Variants in SUN2 observed in about 807,000 individuals in gnomAD.
SUN2 encodes the protein SUN domain-containing protein 2.
Under a neutral mutation model 100.0 loss-of-function variants are expected in SUN2, and 60 were observed. The observed-to-expected ratio is 0.60, with a 90% CI of 0.49 to 0.74. The LOEUF (loss-of-function observed/expected upper bound fraction) is 0.74, where lower values mean the gene tolerates loss of function less well. SUN2 is among the 30% of genes least tolerant of loss of function. The pLI is 0.00. For synonymous variants in SUN2, 367 were observed against 403.3 expected, an observed-to-expected ratio of 0.91 and a Z score of 1.08; for missense variants, 834 against 954.6, an observed-to-expected ratio of 0.87 and a Z score of 1.66.
chr22:38,755,377 C>G lies in SUN2; in HGVS notation c.-38+386G>C, dbSNP rs1010531776. The G allele has an allele frequency of 2.0e-4, 207 of 1,015,368 alleles. No individual in the cohort carries two copies. Among genetic ancestry groups the G allele is most frequent in the Non-Finnish European group, 2.3e-4 (195 of 845,542 alleles). 62.9% of individuals were successfully genotyped at this position (1,015,368 alleles called of 1,614,324 possible). ...TTAGAACTGAACAAAACGGGCCTTCCTCTGAGGCCCTGAGTTCTGACAGGC... is the reference window on the plus strand; with the variant it reads ...TTAGAACTGAACAAAACGGGCCTTCGTCTGAGGCCCTGAGTTCTGACAGGC... On this transcript the variant is annotated intron_variant, in intron 1 of 17. Transcript: ENST00000689035. The surrounding 1 kb of genome is among the most constrained non-coding windows in gnomAD (Gnocchi z 5.7).
At chr22:38,754,551 G>T in intron 1 of SUN2, 1 of 1,049,188 alleles carries the variant, frequency 9.5e-7, no homozygotes, top group Non-Finnish European at 1.3e-6. Context: ...AGTAGGAAAA[G>T]CAGGAAGTTG....
rs372953657 is a variant in SUN2 at position 38,741,505 on chromosome 22, G to A, written c.1135C>T (p.Arg379Trp). The A allele has an allele frequency of 3.4e-5, 55 of 1,613,876 alleles. No individual in the cohort carries two copies. Among genetic ancestry groups the A allele is most frequent in the Admixed American group, 1.0e-4 (6 of 60,014 alleles). Residue 379 changes from arginine (R) to tryptophan (W), a missense_variant, in exon 10 of 18, where the codon CGG becomes TGG. Physicochemically the swap from Arg to Trp is moderately radical, Grantham distance 101. Coordinates refer to ENST00000689035, the MANE Select transcript of SUN2 (RefSeq NM_015374.3). The stretch of plus-strand genomic sequence containing the variant: ...GCAAGCCCGCTGACCTGGGAGGCCC[G>A]GACGATCTTCTTGAAGAGGTCTTCT... ...DSEDLFKKIV[R>W]ASQESEARIQ...
rs2092837317 is a variant in SUN2, at chr22:38,739,678, G to A, written c.1578+44C>T. On this transcript the variant is annotated intron_variant, in intron 13 of 17. Transcript: ENST00000689035. This position sits in a 1 kb window ranked among gnomAD's most constrained non-coding sequence, Gnocchi z 6.7. ...GGGACTGTCCAGGGCTCCCAGGGAG[G>A]AGAGCTGTGGGTGGGTGTGTGGAGA... The A allele has an allele frequency of 6.3e-7, 1 of 1,595,492 alleles. No individual in the cohort carries two copies. Among genetic ancestry groups the A allele is most frequent in the Non-Finnish European group, 8.6e-7 (1 of 1,167,386 alleles).
chr22:38,755,273 T>C lies in SUN2; in HGVS notation c.-38+490A>G, dbSNP rs998667697. The stretch of plus-strand genomic sequence containing the variant: ...TGCCCTCATTCCCACAGGCCAAACC[T>C]GCAGAAATTGTCACCAAAGGCGCGC... On this transcript the variant is annotated intron_variant, in intron 1 of 17. Transcript: ENST00000689035. This position sits in a 1 kb window ranked among gnomAD's most constrained non-coding sequence, Gnocchi z 5.7. 34 of 1,127,678 alleles carry C rather than the reference T, an allele frequency of 3.0e-5. No homozygotes were observed. In the African/African-American group the frequency reaches 5.4e-4, roughly 18 times the overall value. The allele number at this position is 1,127,678 out of a possible 1,614,324, so 69.9% of individuals were successfully genotyped here. A position where few individuals can be genotyped will look rare whatever the true frequency, so the allele number is the denominator to read the frequency against.
intron 4 of SUN2, 145 bp downstream of exon 4, chr22:38,750,752 TG>T: frequency 7.5e-7 from 1 of 1,328,552 alleles, no homozygotes; most frequent in Non-Finnish European, 1.0e-6. Context: ...CAGGCCAGGC[TG>T]GGGCGCACCC....
chr22:38,753,872 A>G (rs2092966513), intron 1 of SUN2, among the ~76,000 whole-genome samples: 3 of 152,336 alleles, frequency 2.0e-5, no homozygotes, highest in Middle Eastern at 6.8e-3. Flanking sequence ...CTACTCAGGC[A>G]TAAAGTTTTC....
At chr22:38,752,920 C>T (rs548586192) in intron 1 of SUN2, among the ~76,000 whole-genome samples, 3 of 152,364 alleles carry the variant, frequency 2.0e-5, no homozygotes, top group Admixed American at 1.3e-4. Flanking sequence ...TCTTCCAGGG[C>T]GCTTTCCACA....
At position 38,752,563 on chromosome 22, in the gene SUN2, G is replaced by A. The variant is rs138973782; in HGVS notation, c.66C>T (p.Ser22=). 3.0e-5 allele frequency: 48 copies of A among 1,612,328 alleles called. No individual in the cohort carries two copies. The highest frequency in any genetic ancestry group is 1.3e-4 in the East Asian group (6 of 44,688). ...GACTCCCAGCCACCGAGCTCCCTCC[G>A]CTGCTGCTGCTGCCGTCATCGTCAC... ...SQGDDDGSSS[S]GGSSVAGSQS... Residue 22 remains serine (S), a synonymous_variant, in exon 2 of 18, where the codon AGC becomes AGT. Coordinates refer to ENST00000689035, the MANE Select transcript of SUN2 (RefSeq NM_015374.3).
In SUN2 at chr22:38,751,256, G is replaced by T. The variant is rs2092943753; in HGVS notation, c.240C>A (p.Phe80Leu). 1 of 1,613,938 alleles carries T rather than the reference G, an allele frequency of 6.2e-7. No individual in the cohort carries two copies. Among genetic ancestry groups the T allele is most frequent in the Non-Finnish European group, 8.5e-7 (1 of 1,179,928 alleles). Residue 80 changes from phenylalanine to leucine, a missense_variant, in exon 3 of 18, where the codon TTC (phenylalanine) becomes TTA (leucine). Coordinates refer to ENST00000689035, the MANE Select transcript of SUN2 (RefSeq NM_015374.3). Reference protein sequence around the residue: ...YSESLVHESWFPPRSSLEELH... With the variant: ...YSESLVHESWLPPRSSLEELH... ...GTTCCTCCAGGGAGCTCCTGGGTGG[G>T]AACCAGGACTCGTGGACCAGCGACT...
At chr22:38,745,895 C>A in intron 7 of SUN2, 84 bp from the exon 8 acceptor site, 1 of 1,544,546 alleles carries the variant, frequency 6.5e-7, no homozygotes, top group Non-Finnish European at 8.7e-7. Flanking sequence ...TGATCCCTGC[C>A]AGTGCTTGTG....
At chr22:38,754,603 T>TGGGGTGGGGGGGG in intron 1 of SUN2, 2 of 889,150 alleles carry the variant, frequency 2.2e-6, no homozygotes, top group Non-Finnish European at 3.2e-6. Context: ...TAAGGTAATC[T>TGGGGTGGGGGGGG]CCCCTCCCCC....
chr22:38,751,347 A>C lies in SUN2; in HGVS notation c.149T>G (p.Met50Arg). Residue 50 changes from methionine to arginine, a missense_variant, in exon 3 of 18, where the codon ATG (methionine) becomes AGG (arginine). Transcript: ENST00000689035. The stretch of plus-strand genomic sequence containing the variant: ...CTGTGGCGCTGGGGACAGGCGCTTC[A>C]TGTTGCTGGATTTCCTCTTCAAGGT... ...LRTLKRKSSN[M>R]KRLSPAPQLG... 6.2e-7 allele frequency: 1 copy of C among 1,613,844 alleles called. No individual in the cohort carries two copies. The highest frequency in any genetic ancestry group is 8.5e-7 in the Non-Finnish European group (1 of 1,179,986).
intron 17 of SUN2, 38 bp from the exon 18 acceptor site, chr22:38,736,418 C>T: frequency 1.3e-6 from 2 of 1,541,016 alleles, no homozygotes; most frequent in Non-Finnish European, 1.8e-6. Context: ...CATCAGAGAC[C>T]TGTGAGGCCT....
chr22:38,752,908 C>T (rs1259241769), intron 1 of SUN2, among the ~76,000 whole-genome samples: 1 of 152,256 alleles, frequency 6.6e-6, no homozygotes, highest in Non-Finnish European at 1.5e-5. Flanking sequence ...GACTCTGGAG[C>T]CTCTTCCAGG....
rs2092790230 is a variant in SUN2, at chr22:38,735,020, A to G, written c.*1247T>C. ...CCCAGGCCCCTCTCCACGGCCAGGA[A>G]CAAGAAACTGAGTATCACCCAGTGC... On this transcript the variant is annotated 3_prime_UTR_variant, in exon 18 of 18. Coordinates refer to ENST00000689035, the MANE Select transcript of SUN2 (RefSeq NM_015374.3). 1.7e-5 allele frequency: 5 copies of G among 297,696 alleles called. No homozygotes were observed. Among genetic ancestry groups the G allele is most frequent in the South Asian group, 8.0e-5 (3 of 37,326 alleles). 18.4% of individuals were successfully genotyped at this position (297,696 alleles called of 1,614,324 possible).
At chr22:38,749,377 C>T (rs1469058415) in intron 6 of SUN2, among the ~76,000 whole-genome samples, 1 of 152,140 alleles carries the variant, frequency 6.6e-6, no homozygotes, top group Non-Finnish European at 1.5e-5. Flanking sequence ...TTGTCCCAGG[C>T]CCAAGAAGGA....
At chr22:38,749,105 TTAAA>T (rs1356807061) in intron 6 of SUN2, 5 of 306,216 alleles carry the variant, frequency 1.6e-5, no homozygotes, top group Non-Finnish European at 2.5e-5. Flanking sequence ...AAGTAACTCC[TTAAA>T]TAACAACAAG....
chr22:38,745,184 G>T (rs545856094), intron 8 of SUN2: 83 of 471,138 alleles, frequency 1.8e-4, no homozygotes, highest in Middle Eastern at 1.3e-3. Context: ...AGCCTGCCGG[G>T]TGAGCAAAGT....
intron 8 of SUN2, 148 bp from the exon 9 acceptor site, chr22:38,742,703 C>T (rs1034238788): frequency 1.4e-5 from 15 of 1,071,984 alleles, no homozygotes; most frequent in East Asian, 8.2e-5. Context: ...GGCTGGAGCT[C>T]GTGGGCAGGG....
Sources: allele counts gnomAD v4.1 joint callset (sites outside exome capture counted in the v4.1 genomes callset), GRCh38; gene constraint gnomAD v4.1.1; non-coding constraint Gnocchi (gnomAD v3.1); transcripts MANE v1.5; gene names NCBI Gene and HGNC (gene_info 2026-07-23, HGNC 2026-07-21).